The following PEX26 variants were observed in gnomAD, a reference collection of about 807,000 sequenced individuals.
The protein encoded by PEX26 is peroxisome assembly protein 26.
Under a neutral mutation model 31.4 loss-of-function variants are expected in PEX26, and 18 were observed. The ratio of observed to expected loss-of-function variants is 0.57; its 90% CI spans 0.40 to 0.85. The LOEUF (loss-of-function observed/expected upper bound fraction) is 0.85, where lower values mean the gene tolerates loss of function less well. PEX26 is among the 40% of genes least tolerant of loss of function. The pLI, the probability that PEX26 is intolerant of heterozygous loss-of-function variation, is 0.00. For synonymous variants in PEX26, 176 were observed against 166.9 expected (o/e 1.05, Z -0.42); for missense variants, 377 against 383.9 (o/e 0.98, Z 0.15).
At position 18,089,984 on chromosome 22, in the gene PEX26, G is replaced by C. The variant is rs1403914179; in HGVS notation, c.*1909G>C. ...CCCAAAGTGCTGGGATTACAGGTGTGAGCCATCGCGCCCGGCCAACTTTTC... is the reference window on the plus strand; with the variant it reads ...CCCAAAGTGCTGGGATTACAGGTGTCAGCCATCGCGCCCGGCCAACTTTTC... On this transcript the variant is annotated 3_prime_UTR_variant, in exon 5 of 5. Coordinates refer to ENST00000399744, the MANE Select transcript of PEX26 (RefSeq NM_001127649.3). The C allele has an allele frequency of 6.6e-6, 1 of 152,220 alleles. No individual in the cohort carries two copies. The highest frequency in any genetic ancestry group is 1.5e-5 in the Non-Finnish European group (1 of 68,066). The allele number at this position is 152,220 out of a possible 1,614,324, so 9.4% of individuals were successfully genotyped here.
chr22:18,097,005 G>A lies in PEX26; in HGVS notation c.*8930G>A, dbSNP rs1178046643. 1 of 152,192 alleles carries A rather than the reference G, an allele frequency of 6.6e-6. No homozygotes were observed. The highest frequency in any genetic ancestry group is 1.5e-5 in the Non-Finnish European group (1 of 68,080). 9.4% of individuals were successfully genotyped at this position (152,192 alleles called of 1,614,324 possible). On this transcript the variant is annotated 3_prime_UTR_variant, in exon 5 of 5. Coordinates refer to ENST00000399744, the MANE Select transcript of PEX26 (RefSeq NM_001127649.3). ...AGGGGAAGCAAGGCACATCTTACAT[G>A]GCAGCAGCAGAGAGAATGAGGGGGG... is the stretch of plus-strand genomic sequence containing the variant.
rs951260733 is a variant in PEX26 at position 18,094,867 on chromosome 22, T to G, written c.*6792T>G. ...GCGATCTCGGCTCACTGCACCCTCC[T>G]CTTGGGTTCAAGCCAGCGAGGTAGA... On this transcript the variant is annotated 3_prime_UTR_variant, in exon 5 of 5. Transcript: ENST00000399744. 1.3e-5 allele frequency: 2 copies of G among 151,452 alleles called. No homozygotes were observed. The highest frequency in any genetic ancestry group is 1.3e-4 in the Admixed American group (2 of 15,158). The allele number at this position is 151,452 out of a possible 1,614,324, so 9.4% of individuals were successfully genotyped here.
In PEX26 at chr22:18,078,180, A is replaced by G. The variant is rs910106149; in HGVS notation, c.-197A>G. The G allele has an allele frequency of 1.4e-6, 1 of 699,592 alleles. No homozygotes were observed. Among genetic ancestry groups the G allele is most frequent in the African/African-American group, 1.8e-5 (1 of 57,088 alleles). The allele number at this position is 699,592 out of a possible 1,614,324, so 43.3% of individuals were successfully genotyped here. ...AATCTGACGTGTAAACTGCTTCCCC[A>G]GCCTCCAGGCGAGCCCAGCTTTTGC... On this transcript the variant is annotated 5_prime_UTR_variant, in exon 1 of 5. Transcript: ENST00000399744.
At position 18,103,124 on chromosome 22, in the gene PEX26, G is replaced by C. The variant is rs918769968; in HGVS notation, c.*15049G>C. ...AAAAAAAAAAAAAAGGCATGTAAAA[G>C]TTAATCTCATGGAGGTAGAGAGTAG... On this transcript the variant is annotated 3_prime_UTR_variant, in exon 5 of 5. Transcript: ENST00000399744. The C allele has an allele frequency of 1.2e-4, 17 of 136,682 alleles. 1 individual carries two copies. Among genetic ancestry groups the C allele is most frequent in the Non-Finnish European group, 6.2e-5 (4 of 64,250 alleles). 8.5% of individuals were successfully genotyped at this position (136,682 alleles called of 1,614,324 possible).
At position 18,094,685 on chromosome 22, in the gene PEX26, C is replaced by A. The variant is rs989530341; in HGVS notation, c.*6610C>A. 2.0e-5 allele frequency: 3 copies of A among 152,146 alleles called. No individual in the cohort carries two copies. Among genetic ancestry groups the A allele is most frequent in the African/African-American group, 7.2e-5 (3 of 41,456 alleles). The allele number at this position is 152,146 out of a possible 1,614,324, so 9.4% of individuals were successfully genotyped here. A position where few individuals can be genotyped will look rare whatever the true frequency, so the allele number is the denominator to read the frequency against. On this transcript the variant is annotated 3_prime_UTR_variant, in exon 5 of 5. Coordinates refer to ENST00000399744, the MANE Select transcript of PEX26 (RefSeq NM_001127649.3). ...CGGTAGAGGGCCATCCCTTCTTTGG[C>A]TTCTTGCCTTGTCTCTGACCCCACT...
rs1423305271 is a variant in PEX26, at chr22:18,078,248, C to T, written c.-129C>T. 3 of 755,106 alleles carry T rather than the reference C, an allele frequency of 4.0e-6. No homozygotes were observed. The highest frequency in any genetic ancestry group is 2.0e-5 in the Admixed American group (1 of 50,042). 46.8% of individuals were successfully genotyped at this position (755,106 alleles called of 1,614,324 possible). ...CTTTTCCTTCTCGGGGAATCGACCT[C>T]GGGAAGGGGTGTGGGCAAAGAGATG... is the stretch of plus-strand genomic sequence containing the variant. On this transcript the variant is annotated 5_prime_UTR_variant, in exon 1 of 5. Transcript: ENST00000399744.
rs1451626652 is a variant in PEX26 at position 18,097,645 on chromosome 22, T to G, written c.*9570T>G. ...ACCAGTATGGATATAGATCCTAGTT[T>G]CTTCTCCTTTTTATAAAAAAAACCT... is the stretch of plus-strand genomic sequence containing the variant. On this transcript the variant is annotated 3_prime_UTR_variant, in exon 5 of 5. Coordinates refer to ENST00000399744, the MANE Select transcript of PEX26 (RefSeq NM_001127649.3). The G allele has an allele frequency of 6.6e-6, 1 of 152,184 alleles. No individual in the cohort carries two copies. Among genetic ancestry groups the G allele is most frequent in the Non-Finnish European group, 1.5e-5 (1 of 68,038 alleles). 9.4% of individuals were successfully genotyped at this position (152,184 alleles called of 1,614,324 possible).
At position 18,088,081 on chromosome 22, in the gene PEX26, C is replaced by A. The variant is rs1428433181; in HGVS notation, c.*6C>A. 6.3e-7 allele frequency: 1 copy of A among 1,575,476 alleles called. No individual in the cohort carries two copies. Among genetic ancestry groups the A allele is most frequent in the South Asian group, 1.1e-5 (1 of 90,378 alleles). On this transcript the variant is annotated 3_prime_UTR_variant, in exon 5 of 5. Coordinates refer to ENST00000399744, the MANE Select transcript of PEX26 (RefSeq NM_001127649.3). This position sits in a 1 kb window ranked among gnomAD's most constrained non-coding sequence, Gnocchi z 4.1. ...AGCTCCGCATCCGTGACTGAGGGTC[C>A]CTGCGCACCACAGCCTCTCTGCTCC...
rs1317594380 is a variant in PEX26, at chr22:18,104,354, C to T, written c.*16279C>T. 1 of 152,252 alleles carries T rather than the reference C, an allele frequency of 6.6e-6. No individual in the cohort carries two copies. The highest frequency in any genetic ancestry group is 2.4e-5 in the African/African-American group (1 of 41,382). The allele number at this position is 152,252 out of a possible 1,614,324, so 9.4% of individuals were successfully genotyped here. ...TAGCTGGGATTACAGGCATGCACCA[C>T]CACGCCTGGCTAATTTTTGTATTTT... is the stretch of plus-strand genomic sequence containing the variant. On this transcript the variant is annotated 3_prime_UTR_variant, in exon 5 of 5. Coordinates refer to ENST00000399744, the MANE Select transcript of PEX26 (RefSeq NM_001127649.3).
rs1029883247 is a variant in PEX26 at position 18,103,891 on chromosome 22, C to T, written c.*15816C>T. On this transcript the variant is annotated 3_prime_UTR_variant, in exon 5 of 5. Transcript: ENST00000399744. ...CAAGGGCTGAGTAGAACAGTTAAGA[C>T]GATAGTAGTTGTTTTCTTTCTGGGT... is the stretch of plus-strand genomic sequence containing the variant. 1 of 152,142 alleles carries T rather than the reference C, an allele frequency of 6.6e-6. No homozygotes were observed. Among genetic ancestry groups the T allele is most frequent in the African/African-American group, 2.4e-5 (1 of 41,404 alleles). 9.4% of individuals were successfully genotyped at this position (152,142 alleles called of 1,614,324 possible).
Position 18,084,237 on chromosome 22 carries a change from C to CTTTTTTTTT in PEX26, c.667+518_667+526dup, listed in dbSNP as rs362041. ...GGACAGAAAGTCACCATCTCTCTCTCTTTTTTTTTTTTTTTTTTTTTGTTT... is the reference window on the plus strand; with the variant it reads ...GGACAGAAAGTCACCATCTCTCTCTCTTTTTTTTTTTTTTTTTTTTTTTTTTTTTTGTTT... On this transcript the variant is annotated intron_variant, in intron 3 of 4. Coordinates refer to ENST00000399744, the MANE Select transcript of PEX26 (RefSeq NM_001127649.3). 1.2e-4 allele frequency among the ~76,000 whole-genome samples: 11 copies of CTTTTTTTTT among 95,320 alleles called. 1 individual carries two copies. Among genetic ancestry groups the CTTTTTTTTT allele is most frequent in the Non-Finnish European group, 1.7e-4 (8 of 47,430 alleles). The allele number at this position is 95,320 out of a possible 152,430, so 62.5% of individuals were successfully genotyped here.
At chr22:18,078,983 G>T (rs1926434024) in intron 1 of PEX26, 5 of 385,692 alleles carry the variant, frequency 1.3e-5, no homozygotes. Flanking sequence ...GGCTGATGAT[G>T]GGGAATGGGG....
Position 18,080,001 on chromosome 22 carries a change from G to C in PEX26, c.358G>C (p.Val120Leu). The C allele has an allele frequency of 3.7e-6, 6 of 1,614,154 alleles. No individual in the cohort carries two copies. The highest frequency in any genetic ancestry group is 5.1e-6 in the Non-Finnish European group (6 of 1,180,028). Reference protein sequence around the residue: ...YQVPEKLPPKVLELCILLYSK... With the variant: ...YQVPEKLPPKLLELCILLYSK... The stretch of plus-strand genomic sequence containing the variant: ...GGTCCCTGAAAAGCTACCCCCCAAA[G>C]TCCTGGAGCTGTGGTAAGTCTTCTT... The change falls in exon 2 of 5, where the codon GTC becomes CTC. Residue 120 changes from valine (V) to leucine (L), a missense_variant. Physicochemically the swap from Val to Leu is conservative, Grantham distance 32 (BLOSUM62 1). Coordinates refer to ENST00000399744, the MANE Select transcript of PEX26 (RefSeq NM_001127649.3).
At position 18,088,086 on chromosome 22, in the gene PEX26, G is replaced by A. The variant is rs766938081; in HGVS notation, c.*11G>A. 7.1e-6 allele frequency: 11 copies of A among 1,552,026 alleles called. No homozygotes were observed. Among genetic ancestry groups the A allele is most frequent in the East Asian group, 4.5e-5 (2 of 44,628 alleles). On this transcript the variant is annotated 3_prime_UTR_variant, in exon 5 of 5. Coordinates refer to ENST00000399744, the MANE Select transcript of PEX26 (RefSeq NM_001127649.3). This position sits in a 1 kb window ranked among gnomAD's most constrained non-coding sequence, Gnocchi z 4.1. ...CGCATCCGTGACTGAGGGTCCCTGC[G>A]CACCACAGCCTCTCTGCTCCTCACG...
At position 18,096,148 on chromosome 22, in the gene PEX26, T is replaced by C. The variant is rs961175028; in HGVS notation, c.*8073T>C. On this transcript the variant is annotated 3_prime_UTR_variant, in exon 5 of 5. Coordinates refer to ENST00000399744, the MANE Select transcript of PEX26 (RefSeq NM_001127649.3). The stretch of plus-strand genomic sequence containing the variant: ...GAGTTTGTATCTTGACTCACCTGCT[T>C]TGACCTTCAAATAATCTTTCCTGTG... 6 of 151,948 alleles carry C rather than the reference T, an allele frequency of 3.9e-5. No homozygotes were observed. The highest frequency in any genetic ancestry group is 1.5e-4 in the African/African-American group (6 of 41,352). 9.4% of individuals were successfully genotyped at this position (151,948 alleles called of 1,614,324 possible).
In PEX26 at chr22:18,091,229, A is replaced by C. The variant is rs1327710344; in HGVS notation, c.*3154A>C. On this transcript the variant is annotated 3_prime_UTR_variant, in exon 5 of 5. Coordinates refer to ENST00000399744, the MANE Select transcript of PEX26 (RefSeq NM_001127649.3). ...TTCTTGCCCAGAGGCAACCCTTGCCAGTCTGTTTATCCCTCCAGATACAGT... is the reference window on the plus strand; with the variant it reads ...TTCTTGCCCAGAGGCAACCCTTGCCCGTCTGTTTATCCCTCCAGATACAGT... The C allele has an allele frequency of 6.6e-6, 1 of 152,290 alleles. No homozygotes were observed. The highest frequency in any genetic ancestry group is 1.5e-5 in the Non-Finnish European group (1 of 68,110). 9.4% of individuals were successfully genotyped at this position (152,290 alleles called of 1,614,324 possible).
rs1927197608 is a variant in PEX26, at chr22:18,093,669, G to A, written c.*5594G>A. ...TTTCAGCACTGTTAAGGTATTGCAA[G>A]AATGCCCAACCCTCTGGTGTCTGAT... On this transcript the variant is annotated 3_prime_UTR_variant, in exon 5 of 5. Coordinates refer to ENST00000399744, the MANE Select transcript of PEX26 (RefSeq NM_001127649.3). The A allele has an allele frequency of 6.6e-6, 1 of 152,172 alleles. No homozygotes were observed. Among genetic ancestry groups the A allele is most frequent in the South Asian group, 2.1e-4 (1 of 4,828 alleles). The allele number at this position is 152,172 out of a possible 1,614,324, so 9.4% of individuals were successfully genotyped here. A position where few individuals can be genotyped will look rare whatever the true frequency, so the allele number is the denominator to read the frequency against.
chr22:18,098,027 A>G lies in PEX26; in HGVS notation c.*9952A>G, dbSNP rs1305737564. On this transcript the variant is annotated 3_prime_UTR_variant, in exon 5 of 5. Coordinates refer to ENST00000399744, the MANE Select transcript of PEX26 (RefSeq NM_001127649.3). The stretch of plus-strand genomic sequence containing the variant: ...GGAGTTTGAGACCAGCCTGGCCAAC[A>G]TGATGAAACCCCATCTCTTCAAAAA... 6.6e-6 allele frequency: 1 copy of G among 152,264 alleles called. No individual in the cohort carries two copies. Among genetic ancestry groups the G allele is most frequent in the Non-Finnish European group, 1.5e-5 (1 of 68,068 alleles). 9.4% of individuals were successfully genotyped at this position (152,264 alleles called of 1,614,324 possible).
At chr22:18,086,164 G>C (rs1926835677) in intron 4 of PEX26, among the ~76,000 whole-genome samples, 1 of 152,052 alleles carries the variant, frequency 6.6e-6, no homozygotes, top group East Asian at 2.0e-4. Context: ...CAGGTGTGGT[G>C]GTGCGTGCCT....
Sources: allele counts gnomAD v4.1 joint callset (sites outside exome capture counted in the v4.1 genomes callset), GRCh38; gene constraint gnomAD v4.1.1; non-coding constraint Gnocchi (gnomAD v3.1); transcripts MANE v1.5; gene names NCBI Gene and HGNC (gene_info 2026-07-23, HGNC 2026-07-21).